SLC8A2: variants seen among roughly 807,000 people sequenced by gnomAD.
The protein encoded by SLC8A2 is sodium/calcium exchanger 2.
SLC8A2 carries 14 observed loss-of-function variants against 70.2 expected under a neutral mutation model. The observed-to-expected ratio is 0.20, with a 90% confidence interval of 0.13 to 0.31. The LOEUF is 0.31. Ranked by LOEUF, SLC8A2 falls within the 10% of genes least tolerant of loss-of-function variation. The pLI, the probability that SLC8A2 is intolerant of heterozygous loss-of-function variation, is 1.00. For missense variants in SLC8A2, 779 were observed against 1,320.1 expected (o/e 0.59, Z 6.35); for synonymous variants, 575 against 594.3 (o/e 0.97, Z 0.47).
At chr19:47,453,491 C>T (rs1967268646) in intron 3 of SLC8A2, among the ~76,000 whole-genome samples, 1 of 152,166 alleles carries the variant, frequency 6.6e-6, no homozygotes, top group African/African-American at 2.4e-5. Flanking sequence ...CTTGATAAGG[C>T]AATGCCAGGC....
intron 1 of SLC8A2, among the ~76,000 whole-genome samples, chr19:47,469,010 T>C (rs1302668606): frequency 6.6e-6 from 1 of 152,052 alleles, no homozygotes; most frequent in Non-Finnish European, 1.5e-5. Flanking sequence ...TGTCCCCAAC[T>C]CACACCTACA....
intron 8 of SLC8A2, among the ~76,000 whole-genome samples, chr19:47,435,910 C>T (rs1967023203): frequency 6.6e-6 from 1 of 152,170 alleles, no homozygotes; most frequent in South Asian, 2.1e-4. Flanking sequence ...CAAGCTCTCT[C>T]TAGCCCCAGG....
chr19:47,440,286 C>G (rs1967085204), intron 6 of SLC8A2, among the ~76,000 whole-genome samples: 1 of 152,180 alleles, frequency 6.6e-6, no homozygotes, highest in Non-Finnish European at 1.5e-5. Context: ...GAAAGCACCT[C>G]CACTGTGACT....
chr19:47,458,471 G>A (rs1332874382), intron 2 of SLC8A2, among the ~76,000 whole-genome samples: 1 of 107,180 alleles, frequency 9.3e-6, no homozygotes, highest in East Asian at 2.8e-4. Flanking sequence ...TCTCCATCTT[G>A]TTCTGTCTCT....
chr19:47,471,138 A>G (rs947518481), intron 1 of SLC8A2, among the ~76,000 whole-genome samples: 97 of 149,212 alleles, frequency 6.5e-4, no homozygotes, highest in African/African-American at 2.0e-3. Context: ...AGGGAGGGAG[A>G]GAGAGAGAGA....
intron 1 of SLC8A2, among the ~76,000 whole-genome samples, chr19:47,470,063 G>A (rs929515703): frequency 8.5e-5 from 13 of 152,180 alleles, no homozygotes; most frequent in Non-Finnish European, 4.4e-5. Context: ...GCCTGTGTTG[G>A]GGGGCTGGCC....
chr19:47,462,622 C>CT (rs1336539785), intron 2 of SLC8A2, among the ~76,000 whole-genome samples: 1 of 138,344 alleles, frequency 7.2e-6, no homozygotes, highest in African/African-American at 2.7e-5. Flanking sequence ...GAGTCTCACT[C>CT]TGTCACCCAG....
intron 8 of SLC8A2, 105 bp downstream of exon 8, chr19:47,437,357 C>T (rs939009335): frequency 3.4e-5 from 29 of 863,502 alleles, no homozygotes; most frequent in Admixed American, 1.2e-4. Context: ...GCCACCGCGC[C>T]CGGCCTGTTT....
chr19:47,446,163 G>T (rs1967159391), intron 4 of SLC8A2, among the ~76,000 whole-genome samples: 1 of 152,114 alleles, frequency 6.6e-6, no homozygotes, highest in African/African-American at 2.4e-5. Context: ...GGGAGGGGGA[G>T]CGCGGTGGGG....
chr19:47,445,837 T>C (rs1419166673), intron 4 of SLC8A2, among the ~76,000 whole-genome samples: 2 of 151,962 alleles, frequency 1.3e-5, no homozygotes, highest in Non-Finnish European at 2.9e-5. Flanking sequence ...CATTCCCCCA[T>C]CTCTTGGTGT....
rs995737175 is a variant in SLC8A2 at position 47,432,971 on chromosome 19, G to A, written c.2111-526C>T. 1.3e-5 allele frequency among the ~76,000 whole-genome samples: 2 copies of A among 151,724 alleles called. No individual in the cohort carries two copies. Among genetic ancestry groups the A allele is most frequent in the South Asian group, 4.2e-4 (2 of 4,772 alleles). On this transcript the variant is annotated intron_variant, in intron 8 of 9. Transcript: ENST00000236877. The surrounding 1 kb of genome is among the most constrained non-coding windows in gnomAD (Gnocchi z 6.2). ...CTTTCCCAGAATCCCTTGAAGCTAGGAGCATGAATGGACCCAGGTGAAAAA... is the reference window on the plus strand; with the variant it reads ...CTTTCCCAGAATCCCTTGAAGCTAGAAGCATGAATGGACCCAGGTGAAAAA...
At position 47,465,530 on chromosome 19, in the gene SLC8A2, A is replaced by G. The variant is rs1478878958; in HGVS notation, c.675+199T>C. 6.6e-6 allele frequency among the ~76,000 whole-genome samples: 1 copy of G among 152,210 alleles called. No homozygotes were observed. The highest frequency in any genetic ancestry group is 6.5e-5 in the Admixed American group (1 of 15,276). On this transcript the variant is annotated intron_variant, in intron 2 of 9. Transcript: ENST00000236877. This position sits in a 1 kb window ranked among gnomAD's most constrained non-coding sequence, Gnocchi z 5.5. ...GGCTGGGTAGCATCAGCAGGACTCC[A>G]GCCCCTCCAGCAGGACTTGCCCTGT...
chr19:47,439,617 T>TTCCTTCCTTC (rs1555747523), intron 6 of SLC8A2, among the ~76,000 whole-genome samples: 13,605 of 145,882 alleles, frequency 0.093, 911 homozygotes, highest in East Asian at 0.18. Flanking sequence ...TTCCTTCCTT[T>TTCCTTCCTTC]CTTCCTTCCT....
Position 47,448,230 on chromosome 19 carries a change from C to T in SLC8A2, c.1342G>A (p.Glu448Lys). The T allele has an allele frequency of 6.3e-7, 1 of 1,588,264 alleles. No homozygotes were observed. The highest frequency in any genetic ancestry group is 8.6e-7 in the Non-Finnish European group (1 of 1,163,306). ...CCTGGTTTGAACACCAGCGTGCCCT[C>T]GCTGCGGCGGGGTGGGGAGGGGGAA... is the stretch of plus-strand genomic sequence containing the variant. ...AKAGSDYEYSEGTLVFKPGET... is the reference protein window; with the variant it reads ...AKAGSDYEYSKGTLVFKPGET... Residue 448 changes from glutamate (E) to lysine (K), a missense_variant and splice_region_variant, in exon 4 of 10, where the codon GAG becomes AAG. Glu to Lys is a moderately conservative substitution (Grantham distance 56). Around this residue, in one of 6 missense-constraint regions of SLC8A2, gnomAD observed 18 missense variants for 61.3 expected, o/e 0.29. Transcript: ENST00000236877. The surrounding 1 kb of genome is among the most constrained non-coding windows in gnomAD (Gnocchi z 4.8).
chr19:47,438,920 C>T (rs1967064857), intron 6 of SLC8A2, among the ~76,000 whole-genome samples: 1 of 152,206 alleles, frequency 6.6e-6, no homozygotes, highest in African/African-American at 2.4e-5. Context: ...ACGGCAGAAG[C>T]TGAAGTGTGT....
At chr19:47,470,296 G>A (rs865896152) in intron 1 of SLC8A2, among the ~76,000 whole-genome samples, 2 of 151,556 alleles carry the variant, frequency 1.3e-5, no homozygotes, top group East Asian at 1.9e-4. Flanking sequence ...AGCCCCCTCC[G>A]TGGGCACTGT....
At chr19:47,469,720 C>T (rs1373183731) in intron 1 of SLC8A2, among the ~76,000 whole-genome samples, 3 of 152,234 alleles carry the variant, frequency 2.0e-5, no homozygotes, top group South Asian at 2.1e-4. Context: ...CCTGCCTCTC[C>T]CTCTCCATCC....
At position 47,447,671 on chromosome 19, in the gene SLC8A2, G is replaced by A; in HGVS notation, c.1763+138C>T. 1.1e-6 allele frequency: 1 copy of A among 879,940 alleles called. No homozygotes were observed. The highest frequency in any genetic ancestry group is 1.6e-6 in the Non-Finnish European group (1 of 618,932). 54.5% of individuals were successfully genotyped at this position (879,940 alleles called of 1,614,324 possible). A position where few individuals can be genotyped will look rare whatever the true frequency, so the allele number is the denominator to read the frequency against. On this transcript the variant is annotated intron_variant, in intron 4 of 9. Coordinates refer to ENST00000236877, the MANE Select transcript of SLC8A2 (RefSeq NM_015063.3). This position sits in a 1 kb window ranked among gnomAD's most constrained non-coding sequence, Gnocchi z 5.1. ...CCCACGTTGCGGGCACGGCCACGCA[G>A]GCCCCTCCCCTCCCGAGGCCCAACC...
chr19:47,453,139 G>A, intron 3 of SLC8A2, among the ~76,000 whole-genome samples: 1 of 152,208 alleles, frequency 6.6e-6, no homozygotes, highest in Middle Eastern at 3.2e-3. Context: ...TGGAAAAACT[G>A]TGCTGTTTAG....
Sources: allele counts gnomAD v4.1 joint callset (sites outside exome capture counted in the v4.1 genomes callset), GRCh38; gene constraint gnomAD v4.1.1; regional missense constraint gnomAD v4.1.1; non-coding constraint Gnocchi (gnomAD v3.1); transcripts MANE v1.5; gene names NCBI Gene and HGNC (gene_info 2026-07-23, HGNC 2026-07-21).